The following METAP1D variants were observed in gnomAD, a reference collection of about 807,000 sequenced individuals.
The protein encoded by METAP1D is methionine aminopeptidase 1D, mitochondrial.
METAP1D carries 31 observed loss-of-function variants against 40.5 expected under a neutral mutation model. That is an observed-to-expected ratio of 0.77 (90% CI 0.58 to 1.03). METAP1D has a LOEUF of 1.03. METAP1D is among the 50% of genes least tolerant of loss of function. The pLI, the probability that METAP1D is intolerant of heterozygous loss-of-function variation, is 0.00. For synonymous variants in METAP1D, 151 were observed against 146.4 expected (o/e 1.03, Z -0.22); for missense variants, 411 against 420.7 (o/e 0.98, Z 0.20).
At chr2:172,036,118 C>A (rs922748814) in intron 1 of METAP1D, among the ~76,000 whole-genome samples, 2 of 151,582 alleles carry the variant, frequency 1.3e-5, no homozygotes. Context: ...GAGATCAAGA[C>A]CATCCTGGCT....
At chr2:172,021,244 T>C (rs17428174) in intron 1 of METAP1D, among the ~76,000 whole-genome samples, 29,388 of 152,198 alleles carry the variant, frequency 0.19, 3,059 homozygotes, top group Non-Finnish European at 0.24. Context: ...ACAGGACTCC[T>C]GGTATGGAAT....
At chr2:172,059,876 C>T (rs901300668) in intron 1 of METAP1D, among the ~76,000 whole-genome samples, 3 of 152,012 alleles carry the variant, frequency 2.0e-5, no homozygotes, top group African/African-American at 7.2e-5. Flanking sequence ...TGGTGAAACC[C>T]CGTCTCTACT....
intron 8 of METAP1D, 97 bp from the exon 9 acceptor site, chr2:172,080,031 G>A: frequency 9.5e-7 from 1 of 1,056,930 alleles, no homozygotes; most frequent in African/African-American, 1.6e-5. Context: ...CACTTGAGGG[G>A]AGGGAGGAGA....
intron 1 of METAP1D, among the ~76,000 whole-genome samples, chr2:172,017,290 CAT>C (rs1424351378): frequency 6.7e-6 from 1 of 148,380 alleles, no homozygotes; most frequent in African/African-American, 2.5e-5. Context: ...TATATATACA[CAT>C]ATATAAAACC....
intron 6 of METAP1D, chr2:172,072,242 A>G (rs1690438516): frequency 1.2e-5 from 2 of 166,794 alleles, no homozygotes; most frequent in African/African-American, 4.8e-5. Context: ...ATGCAGTTTT[A>G]TTTTTGCAAA....
chr2:172,024,881 C>T (rs1689091589), intron 1 of METAP1D, among the ~76,000 whole-genome samples: 1 of 151,698 alleles, frequency 6.6e-6, no homozygotes, highest in African/African-American at 2.4e-5. Context: ...TTTAATTAGG[C>T]CATATTGCTC....
At chr2:172,008,924 T>C (rs1688649211) in intron 1 of METAP1D, among the ~76,000 whole-genome samples, 1 of 152,198 alleles carries the variant, frequency 6.6e-6, no homozygotes, top group Non-Finnish European at 1.5e-5. Flanking sequence ...GTGCAGGGTG[T>C]GGACCTGCTG....
At chr2:172,053,405 T>G (rs1257145016) in intron 1 of METAP1D, among the ~76,000 whole-genome samples, 1 of 152,186 alleles carries the variant, frequency 6.6e-6, no homozygotes, top group African/African-American at 2.4e-5. Flanking sequence ...ACAAAGTAAG[T>G]TGGGTTTTTT....
rs992409038 is a variant in METAP1D at position 172,075,705 on chromosome 2, A to C, written c.705-2092A>C. Among the ~76,000 whole-genome samples, 3 of 152,220 alleles carry C rather than the reference A, an allele frequency of 2.0e-5. No homozygotes were observed. In the East Asian group the frequency reaches 5.8e-4, roughly 29 times the overall value. On this transcript the variant is annotated intron_variant, in intron 6 of 9. Transcript: ENST00000315796. ...TAATTAGGAATATTAATGAGATCCT[A>C]TCTGACTTAGTTCCAGTAAGTGCTA...
chr2:172,047,847 C>T (rs1032344385), intron 1 of METAP1D, among the ~76,000 whole-genome samples: 5 of 152,162 alleles, frequency 3.3e-5, no homozygotes, highest in African/African-American at 9.7e-5. Context: ...TCCCATCCCA[C>T]CCTTTGCACA....
chr2:172,066,146 C>A, intron 4 of METAP1D, 118 bp from the exon 5 acceptor site: 2 of 753,480 alleles, frequency 2.7e-6, no homozygotes, highest in Non-Finnish European at 2.2e-6. Context: ...AGTCCTCCTT[C>A]ACTCCAAATT....
intron 1 of METAP1D, among the ~76,000 whole-genome samples, chr2:172,015,941 G>A (rs909062143): frequency 2.6e-5 from 4 of 151,038 alleles, no homozygotes; most frequent in Admixed American, 2.0e-4. Context: ...GCAACAGAGT[G>A]GGACTCTTGT....
At chr2:172,002,357 T>G (rs771315778) in intron 1 of METAP1D, among the ~76,000 whole-genome samples, 14 of 152,172 alleles carry the variant, frequency 9.2e-5, no homozygotes, top group Non-Finnish European at 2.1e-4. Context: ...TGACAAAAAC[T>G]GTGATTACTT....
At chr2:172,048,632 CCTT>C (rs1689811929) in intron 1 of METAP1D, among the ~76,000 whole-genome samples, 1 of 152,164 alleles carries the variant, frequency 6.6e-6, no homozygotes, top group Non-Finnish European at 1.5e-5. Context: ...CACACTGTTT[CCTT>C]CTTTTTTACC....
intron 6 of METAP1D, among the ~76,000 whole-genome samples, chr2:172,076,691 TA>T (rs1559022821): frequency 1.3e-5 from 2 of 152,236 alleles, no homozygotes; most frequent in South Asian, 2.1e-4. Flanking sequence ...GAAAAATGTA[TA>T]AACATGAATG....
chr2:172,030,379 A>G lies in METAP1D; in HGVS notation c.40+30370A>G, dbSNP rs536836349. Among the ~76,000 whole-genome samples, 7 of 152,256 alleles carry G rather than the reference A, an allele frequency of 4.6e-5. No homozygotes were observed. The South Asian group carries it at 1.5e-3, about 32-fold the overall frequency. On this transcript the variant is annotated intron_variant, in intron 1 of 9. Transcript: ENST00000315796. ...AATACTGGGATTACAGGCGTGAGCCACCACACCTGGCGTAAGCCTACATTT... is the reference window on the plus strand; with the variant it reads ...AATACTGGGATTACAGGCGTGAGCCGCCACACCTGGCGTAAGCCTACATTT...
Position 172,080,584 on chromosome 2 carries a change from A to G in METAP1D, c.*178A>G. The G allele has an allele frequency of 1.5e-6, 1 of 663,386 alleles. No individual in the cohort carries two copies. Among genetic ancestry groups the G allele is most frequent in the South Asian group, 1.9e-5 (1 of 53,444 alleles). 41.1% of individuals were successfully genotyped at this position (663,386 alleles called of 1,614,324 possible). A position where few individuals can be genotyped will look rare whatever the true frequency, so the allele number is the denominator to read the frequency against. On this transcript the variant is annotated 3_prime_UTR_variant, in exon 10 of 10. Coordinates refer to ENST00000315796, the MANE Select transcript of METAP1D (RefSeq NM_199227.3). ...AGAGCAACTGGGAACTCGGATCTGA[A>G]GCCCTGCTGGGGTCGCGCGGCTTTG...
Position 172,080,354 on chromosome 2 carries a change from T to C in METAP1D, c.956T>C (p.Leu319Pro). Residue 319 changes from leucine (L) to proline (P), a missense_variant, in exon 10 of 10, where the codon CTG (leucine) becomes CCG (proline). Transcript: ENST00000315796. ...QRSAQFEHTV[L>P]ITSRGAQILT... is the part of the protein sequence containing the mutation. ...TCGGCGCAGTTCGAGCACACGGTTC[T>C]GATCACGTCGAGGGGCGCGCAGATC... 1 of 1,614,056 alleles carries C rather than the reference T, an allele frequency of 6.2e-7. No individual in the cohort carries two copies. The highest frequency in any genetic ancestry group is 8.5e-7 in the Non-Finnish European group (1 of 1,179,900).
At position 172,067,687 on chromosome 2, in the gene METAP1D, C is replaced by T. The variant is rs192300719; in HGVS notation, c.540+1381C>T. Among the ~76,000 whole-genome samples the T allele has an allele frequency of 1.4e-3, 209 of 152,314 alleles. 1 individual carries two copies. The highest frequency in any genetic ancestry group is 2.4e-3 in the Non-Finnish European group (163 of 68,022). ...GTTTTGAATGAAATCAACTACTCTT[C>T]CCTACTGTTTCCAGTGTGTCCAAAG... On this transcript the variant is annotated intron_variant, in intron 5 of 9. Coordinates refer to ENST00000315796, the MANE Select transcript of METAP1D (RefSeq NM_199227.3).
Sources: gnomAD v4.1 joint callset for allele counts (sites outside exome capture counted in the v4.1 genomes callset) on GRCh38, gnomAD v4.1.1 for gene constraint, MANE v1.5 for transcripts, NCBI Gene and HGNC (gene_info 2026-07-23, HGNC 2026-07-21) for gene names.